CLPB: variants seen among roughly 807,000 people sequenced by gnomAD.
CLPB encodes the protein ClpB family mitochondrial disaggregase.
CLPB carries 40 observed loss-of-function variants against 78.4 expected under a neutral mutation model. The ratio of observed to expected loss-of-function variants is 0.51; its 90% CI spans 0.40 to 0.66. The LOEUF (loss-of-function observed/expected upper bound fraction) is 0.66, where lower values mean the gene tolerates loss of function less well. Among genes scored for constraint, CLPB ranks in the 30% least tolerant of loss-of-function variants. The probability of loss-of-function intolerance (pLI) is 0.00; values close to 1 mark genes in which losing one functional copy is unlikely to be tolerated. For missense variants in CLPB, 780 were observed against 886.9 expected (o/e 0.88, Z 1.53); for synonymous variants, 333 against 348.0 (o/e 0.96, Z 0.48).
intron 5 of CLPB, among the ~76,000 whole-genome samples, chr11:72,344,930 G>C (rs1170257720): frequency 6.6e-6 from 1 of 152,152 alleles, no homozygotes; most frequent in Non-Finnish European, 1.5e-5. Flanking sequence ...CATATGAATT[G>C]ATGTTCAAGT....
At chr11:72,418,552 T>G (rs1036174496) in intron 2 of CLPB, among the ~76,000 whole-genome samples, 15 of 152,226 alleles carry the variant, frequency 9.9e-5, no homozygotes, top group Admixed American at 2.0e-4. Context: ...TGCTTCCTGC[T>G]AATGATAAGA....
At chr11:72,302,039 G>T in intron 10 of CLPB, 75 bp from the exon 11 acceptor site, 1 of 1,531,208 alleles carries the variant, frequency 6.5e-7, no homozygotes, top group Non-Finnish European at 8.9e-7. Context: ...TGCATGGGAA[G>T]ATGACTTTAT....
At chr11:72,378,036 G>A (rs1854775194) in intron 4 of CLPB, among the ~76,000 whole-genome samples, 1 of 152,138 alleles carries the variant, frequency 6.6e-6, no homozygotes, top group Non-Finnish European at 1.5e-5. Context: ...CACCCTGGAG[G>A]TTACCATTAA....
rs191097301 is a variant in CLPB at position 72,387,936 on chromosome 11, T to C, written c.543-7552A>G. On this transcript the variant is annotated intron_variant, in intron 3 of 15. Transcript: ENST00000538039. ...CACCATTCAATCACACCCCCTCCCA[T>C]GGCAGGCTGTCCCTCCAGGCAGCTA... Among the ~76,000 whole-genome samples, 854 of 152,268 alleles carry C rather than the reference T, an allele frequency of 5.6e-3. 35 individuals are homozygous for C. The highest frequency in any genetic ancestry group is 0.053 in the Admixed American group (803 of 15,294).
chr11:72,369,509 T>C (rs1951003825), intron 4 of CLPB, among the ~76,000 whole-genome samples: 1 of 152,148 alleles, frequency 6.6e-6, no homozygotes, highest in African/African-American at 2.4e-5. Context: ...TGGCAGCTCT[T>C]TGCCTCTCGG....
At chr11:72,387,991 C>G (rs558883120) in intron 3 of CLPB, among the ~76,000 whole-genome samples, 1 of 152,272 alleles carries the variant, frequency 6.6e-6, no homozygotes, top group African/African-American at 2.4e-5. Flanking sequence ...CTGGGCCTCT[C>G]CAGGTTCATG....
intron 6 of CLPB, among the ~76,000 whole-genome samples, chr11:72,318,971 T>C (rs936634458): frequency 6.6e-6 from 1 of 152,186 alleles, no homozygotes; most frequent in African/African-American, 2.4e-5. Context: ...GCATACATAC[T>C]GGCTGGGACA....
chr11:72,420,828 G>A (rs1012375925), intron 2 of CLPB, among the ~76,000 whole-genome samples: 7 of 152,130 alleles, frequency 4.6e-5, no homozygotes, highest in Non-Finnish European at 1.0e-4. Flanking sequence ...AGAGCCAGTC[G>A]GCAACCTTTG....
chr11:72,421,874 A>G (rs1441272915), intron 2 of CLPB, among the ~76,000 whole-genome samples: 3 of 152,148 alleles, frequency 2.0e-5, no homozygotes, highest in African/African-American at 7.2e-5. Flanking sequence ...GCACTACGCC[A>G]CTCTGTAGAA....
At chr11:72,406,784 G>T (rs894917137) in intron 2 of CLPB, among the ~76,000 whole-genome samples, 2 of 152,190 alleles carry the variant, frequency 1.3e-5, no homozygotes, top group African/African-American at 2.4e-5. Flanking sequence ...GCTGGCTACT[G>T]GGGAGGAGAC....
chr11:72,314,117 G>A (rs1157299331), intron 7 of CLPB, among the ~76,000 whole-genome samples: 2 of 152,242 alleles, frequency 1.3e-5, no homozygotes, highest in Non-Finnish European at 2.9e-5. Flanking sequence ...ATGAGATCTG[G>A]TGGTGTGCCG....
At chr11:72,359,521 A>G (rs1234792143) in intron 4 of CLPB, among the ~76,000 whole-genome samples, 2 of 152,232 alleles carry the variant, frequency 1.3e-5, no homozygotes, top group Non-Finnish European at 2.9e-5. Context: ...TAGCAGATTA[A>G]TATACCTCTC....
At chr11:72,346,694 C>T (rs942632622) in intron 5 of CLPB, among the ~76,000 whole-genome samples, 22 of 151,676 alleles carry the variant, frequency 1.5e-4, no homozygotes, top group Non-Finnish European at 3.1e-4. Context: ...ATGGTAAGTA[C>T]CCACCGAGCG....
At chr11:72,388,265 T>C (rs1855144380) in intron 3 of CLPB, among the ~76,000 whole-genome samples, 1 of 151,508 alleles carries the variant, frequency 6.6e-6, no homozygotes, top group Non-Finnish European at 1.5e-5. Context: ...TTTTTTTTTT[T>C]TTTGAGACAG....
intron 4 of CLPB, among the ~76,000 whole-genome samples, chr11:72,376,949 C>A (rs1017559484): frequency 3.3e-5 from 5 of 152,182 alleles, no homozygotes; most frequent in Non-Finnish European, 5.9e-5. Context: ...GGACTACAAG[C>A]GTGAGCCACA....
intron 3 of CLPB, among the ~76,000 whole-genome samples, chr11:72,402,418 G>A (rs1254555809): frequency 6.6e-6 from 1 of 152,196 alleles, no homozygotes; most frequent in Non-Finnish European, 1.5e-5. Flanking sequence ...GTGATTGTGA[G>A]AATTAGATAA....
At chr11:72,302,531 A>G in intron 9 of CLPB, 183 bp from the exon 10 acceptor site, 2 of 605,446 alleles carry the variant, frequency 3.3e-6, no homozygotes, top group Non-Finnish European at 3.0e-6. Flanking sequence ...CTCATTTCCT[A>G]CGAGTCCCTC....
intron 2 of CLPB, among the ~76,000 whole-genome samples, chr11:72,421,459 T>C (rs1308328303): frequency 6.6e-6 from 1 of 152,110 alleles, no homozygotes; most frequent in Non-Finnish European, 1.5e-5. Flanking sequence ...GATGTGACAG[T>C]GATGACCGAA....
intron 6 of CLPB, among the ~76,000 whole-genome samples, chr11:72,328,380 AGCT>A (rs1313574595): frequency 6.6e-6 from 1 of 152,240 alleles, no homozygotes; most frequent in East Asian, 1.9e-4. Context: ...AGCATAATCT[AGCT>A]TATCCTGACT....
Sources: gnomAD v4.1 joint callset for allele counts (sites outside exome capture counted in the v4.1 genomes callset) on GRCh38, gnomAD v4.1.1 for gene constraint, MANE v1.5 for transcripts, NCBI Gene and HGNC (gene_info 2026-07-23, HGNC 2026-07-21) for gene names.